The following GTPBP6 variants were observed in gnomAD, a reference collection of about 807,000 sequenced individuals.
The protein encoded by GTPBP6 is putative GTP-binding protein 6.
Under a neutral mutation model 28.9 loss-of-function variants are expected in GTPBP6, and 33 were observed. The observed-to-expected ratio is 1.14, with a 90% CI of 0.87 to 1.53. The LOEUF (loss-of-function observed/expected upper bound fraction) is 1.53. Ranked by LOEUF, GTPBP6 falls within the 40% of genes most tolerant of loss-of-function variation. The pLI, the probability that GTPBP6 is intolerant of heterozygous loss-of-function variation, is 0.00. For synonymous variants in GTPBP6, 231 were observed against 192.7 expected (o/e 1.20, Z -1.65); for missense variants, 507 against 408.3 (o/e 1.24, Z -2.08).
At chrX:311,180 C>G (rs2070280004) in intron 7 of GTPBP6, among the ~76,000 whole-genome samples, 1 of 151,948 alleles carries the variant, frequency 6.6e-6, no homozygotes, top group Admixed American at 6.6e-5. Flanking sequence ...TGTTCCGGCC[C>G]CGAGTTGGGT....
chrX:314,213 T>A, exon 5 of GTPBP6: 1 of 1,613,320 alleles, frequency 6.2e-7, no homozygotes, highest in Non-Finnish European at 8.5e-7. Flanking sequence ...CTTTTCAAGT[T>A]CGACCTGGTG....
At chrX:317,432 T>A (rs9652796) in intron 1 of GTPBP6, among the ~76,000 whole-genome samples, 5,213 of 151,886 alleles carry the variant, frequency 0.034, 290 homozygotes, top group African/African-American at 0.12. Context: ...GTTCCAGGAA[T>A]TAGCCATTTT....
intron 7 of GTPBP6, among the ~76,000 whole-genome samples, chrX:308,081 T>C (rs2070210996): frequency 6.6e-6 from 1 of 152,002 alleles, no homozygotes; most frequent in African/African-American, 2.4e-5. Context: ...CGGCTGCACT[T>C]ACCCAACCTT....
exon 10 of GTPBP6, chrX:304,940 GGAGC>G: frequency 6.8e-7 from 1 of 1,468,340 alleles, no homozygotes; most frequent in East Asian, 2.5e-5. Context: ...CAAATGGCTG[GGAGC>G]GAGACGGGTG....
chrX:314,493 G>T (rs1432242681), intron 4 of GTPBP6, among the ~76,000 whole-genome samples: 1 of 148,286 alleles, frequency 6.7e-6, no homozygotes, highest in Non-Finnish European at 1.5e-5. Flanking sequence ...TTTTTTTTTA[G>T]ACGGAGTCTC....
intron 7 of GTPBP6, among the ~76,000 whole-genome samples, chrX:308,477 TTGAG>T (rs1160125837): frequency 1.3e-5 from 2 of 152,082 alleles, no homozygotes. Context: ...GCCCAGAAGT[TTGAG>T]ACCAGCCTGG....
At chrX:312,631 CT>C (rs1569351951) in intron 6 of GTPBP6, 134 bp downstream of exon 6, 1 of 922,316 alleles carries the variant, frequency 1.1e-6, no homozygotes, top group East Asian at 2.6e-5. Flanking sequence ...TGGGAACCCC[CT>C]CTCCTGGGCA....
intron 7 of GTPBP6, among the ~76,000 whole-genome samples, chrX:309,628 G>A (rs1472742778): frequency 4.6e-5 from 7 of 151,802 alleles, no homozygotes; most frequent in Admixed American, 2.6e-4. Flanking sequence ...AGAAGGCCAC[G>A]TGGAGATGGA....
At chrX:305,160 C>A (rs775678594) in exon 10 of GTPBP6, 11 of 1,613,576 alleles carry the variant, frequency 6.8e-6, no homozygotes, top group Non-Finnish European at 2.5e-6. Context: ...TCAGGGATCA[C>A]GTCCACCTCC....
intron 1 of GTPBP6, among the ~76,000 whole-genome samples, chrX:317,364 TG>T (rs1443270713): frequency 6.6e-6 from 1 of 151,878 alleles, no homozygotes; most frequent in East Asian, 1.9e-4. Flanking sequence ...CCGGCAGGTT[TG>T]GGGAGTAGAG....
At chrX:308,335 A>G (rs776699823) in intron 7 of GTPBP6, among the ~76,000 whole-genome samples, 11 of 152,322 alleles carry the variant, frequency 7.2e-5, no homozygotes, top group Non-Finnish European at 1.5e-4. Context: ...ACACAGGGAA[A>G]AAAAAATAAA....
exon 1 of GTPBP6, chrX:318,732 C>T: frequency 2.9e-6 from 1 of 340,136 alleles, no homozygotes; most frequent in Non-Finnish European, 5.3e-6. Context: ...CGAGCGGCCG[C>T]GGCCCACGCG....
Position 318,541 on chromosome X carries a change from C to A in GTPBP6, c.247G>T (p.Glu83Ter). The change falls in exon 1 of 10, where the codon GAG becomes TAG. Residue 83 changes from glutamate to a stop codon, truncating the protein, a stop_gained. Coordinates refer to ENST00000326153, the Ensembl canonical transcript of GTPBP6. LOFTEE classifies it high-confidence loss of function. ...AGCAGAGGCTCTCCCCGCAGCAGCT[C>A]CTCCTCGGCGTTCTCGTCCGCATCT... The A allele has an allele frequency of 2.5e-6, 1 of 398,526 alleles. No individual in the cohort carries two copies. The highest frequency in any genetic ancestry group is 4.4e-6 in the Non-Finnish European group (1 of 226,000). 24.7% of individuals were successfully genotyped at this position (398,526 alleles called of 1,614,324 possible).
chrX:312,462 G>C (rs1332356407), intron 6 of GTPBP6: 5 of 517,668 alleles, frequency 9.7e-6, no homozygotes, highest in South Asian at 7.8e-5. Flanking sequence ...GGTGTAGATG[G>C]AGGGGAGATT....
intron 7 of GTPBP6, among the ~76,000 whole-genome samples, chrX:309,869 T>C (rs986279757): frequency 5.6e-5 from 8 of 143,662 alleles, no homozygotes; most frequent in African/African-American, 1.9e-4. Context: ...AAGTGGAAGA[T>C]CTGAAATGAG....
intron 5 of GTPBP6, 32 bp downstream of exon 5, chrX:314,118 C>T: frequency 6.4e-7 from 1 of 1,562,554 alleles, no homozygotes; most frequent in Non-Finnish European, 8.8e-7. Flanking sequence ...ATTCCGAGGA[C>T]CCTCTGGGAC....
At chrX:304,866 G>A (rs2070119696) in exon 10 of GTPBP6, 1 of 1,432,898 alleles carries the variant, frequency 7.0e-7, no homozygotes, top group African/African-American at 1.4e-5. Context: ...GCTTGGAGTG[G>A]ACGCTCGGGC....
chrX:316,335 T>C (rs1184797612), intron 2 of GTPBP6, among the ~76,000 whole-genome samples: 2 of 56,740 alleles, frequency 3.5e-5, no homozygotes, highest in African/African-American at 1.2e-4. Context: ...ACACATCCCA[T>C]TGGGGACACA....
intron 9 of GTPBP6, among the ~76,000 whole-genome samples, chrX:305,815 G>A (rs1220498078): frequency 6.6e-6 from 1 of 151,640 alleles, no homozygotes; most frequent in African/African-American, 2.4e-5. Flanking sequence ...TATTAGAGAC[G>A]GGGTTTCACC....
Sources: allele counts gnomAD v4.1 joint callset (sites outside exome capture counted in the v4.1 genomes callset), GRCh38; gene constraint gnomAD v4.1.1; transcripts MANE v1.5; gene names NCBI Gene and HGNC (gene_info 2026-07-23, HGNC 2026-07-21).